The following CCDC171 variants were observed in gnomAD, a reference collection of about 807,000 sequenced individuals.
CCDC171 encodes coiled-coil domain-containing protein 171.
Under a neutral mutation model 168.2 loss-of-function variants are expected in CCDC171, and 177 were observed. The observed-to-expected ratio is 1.05, with a 90% CI of 0.93 to 1.19. The LOEUF is 1.19. Ranked by LOEUF, CCDC171 falls within the 50% of genes most tolerant of loss-of-function variation. The pLI, the probability that CCDC171 is intolerant of heterozygous loss-of-function variation, is 0.00. For missense variants in CCDC171, 1,991 were observed against 1,539.0 expected, an observed-to-expected ratio of 1.29 and a Z score of -4.91; for synonymous variants, 687 against 540.8, an observed-to-expected ratio of 1.27 and a Z score of -3.75.
chr9:15,617,447 G>T (rs748354009), intron 6 of CCDC171, among the ~76,000 whole-genome samples: 48 of 151,370 alleles, frequency 3.2e-4, no homozygotes, highest in Admixed American at 7.9e-4. Flanking sequence ...CGTGATCTCG[G>T]CTCACTGCAA....
chr9:16,032,744 A>G (rs1008305071), intron 6 of CCDC171, among the ~76,000 whole-genome samples: 1 of 152,080 alleles, frequency 6.6e-6, no homozygotes, highest in African/African-American at 2.4e-5. Context: ...AGGCCTCCCA[A>G]AATGCTGGGA....
intron 21 of CCDC171, among the ~76,000 whole-genome samples, chr9:15,811,219 A>G (rs548274522): frequency 1.3e-3 from 195 of 152,352 alleles, no homozygotes; most frequent in African/African-American, 4.4e-3. Flanking sequence ...TTTTGCTGAT[A>G]TTGAGCTAAT....
At chr9:15,990,134 A>C (rs1294798006) in intron 3 of CCDC171, among the ~76,000 whole-genome samples, 2 of 152,246 alleles carry the variant, frequency 1.3e-5, no homozygotes, top group East Asian at 1.9e-4. Flanking sequence ...TGTCAGATTC[A>C]CCAAAGTTGA....
intron 1 of CCDC171, among the ~76,000 whole-genome samples, chr9:16,057,085 G>T (rs1459522527): frequency 1.3e-5 from 2 of 152,132 alleles, no homozygotes; most frequent in Non-Finnish European, 2.9e-5. Flanking sequence ...ACATTATTAG[G>T]TGTTGTTCTG....
chr9:15,935,486 C>A (rs1827004107), intron 25 of CCDC171, among the ~76,000 whole-genome samples: 1 of 151,952 alleles, frequency 6.6e-6, no homozygotes, highest in South Asian at 2.1e-4. Context: ...AAGAGTCTAA[C>A]TATGTTTTGT....
At chr9:16,071,552 G>A in the CCDC171 span, among the ~76,000 whole-genome samples, 4 of 152,174 alleles carry the variant, frequency 2.6e-5, no homozygotes, top group Non-Finnish European at 5.9e-5. Context: ...CCAGTGCCTG[G>A]CCATGGAGAA....
At chr9:15,937,847 CTG>C (rs1392522410) in intron 25 of CCDC171, among the ~76,000 whole-genome samples, 1 of 151,780 alleles carries the variant, frequency 6.6e-6, no homozygotes. Flanking sequence ...GTATTTAACT[CTG>C]TCACTGTGAA....
intron 25 of CCDC171, among the ~76,000 whole-genome samples, chr9:15,957,573 C>T (rs1714447245): frequency 1.3e-5 from 2 of 152,166 alleles, no homozygotes; most frequent in Admixed American, 1.3e-4. Context: ...TGTAAATTCC[C>T]TCTTTTCCCC....
chr9:15,777,898 G>T, intron 19 of CCDC171, 72 bp downstream of exon 19: 2 of 1,004,352 alleles, frequency 2.0e-6, no homozygotes, highest in South Asian at 2.2e-5. Flanking sequence ...CTAATTTGTA[G>T]TTTAAATTAT....
At chr9:15,626,130 G>T (rs138151532) in intron 7 of CCDC171, among the ~76,000 whole-genome samples, 16 of 152,270 alleles carry the variant, frequency 1.1e-4, no homozygotes, top group African/African-American at 3.9e-4. Flanking sequence ...TCATATTGGT[G>T]TATAAGAATG....
intron 3 of CCDC171, among the ~76,000 whole-genome samples, chr9:15,990,464 C>T (rs1396351313): frequency 6.6e-6 from 1 of 152,150 alleles, no homozygotes; most frequent in Non-Finnish European, 1.5e-5. Context: ...CCAGCCACTG[C>T]AAAAACATGC....
intron 2 of CCDC171, among the ~76,000 whole-genome samples, chr9:15,566,190 A>G (rs1041730440): frequency 1.3e-5 from 2 of 149,448 alleles, no homozygotes; most frequent in Non-Finnish European, 3.0e-5. Flanking sequence ...TTATTTTTAA[A>G]TTGTGTTTTT....
Position 15,724,832 on chromosome 9 carries a change from A to G in CCDC171, c.1548A>G (p.Lys516=). 1 of 1,613,870 alleles carries G rather than the reference A, an allele frequency of 6.2e-7. No homozygotes were observed. The highest frequency in any genetic ancestry group is 8.5e-7 in the Non-Finnish European group (1 of 1,179,808). ...AAGAGTTAAGTCATTTACACACTAA[A>G]TGTGCAGACCGAGAGGCTTTAATAA... ...VNKELSHLHT[K]CADREALIST... is the part of the protein sequence containing the mutation. Residue 516 remains lysine (K), a synonymous_variant, in exon 14 of 26, where the codon AAA becomes AAG. Coordinates refer to ENST00000380701, the MANE Select transcript of CCDC171 (RefSeq NM_173550.4).
At chr9:15,720,721 G>T (rs2053422689) in intron 11 of CCDC171, among the ~76,000 whole-genome samples, 1 of 152,086 alleles carries the variant, frequency 6.6e-6, no homozygotes, top group Non-Finnish European at 1.5e-5. Flanking sequence ...TTAAGTTCTA[G>T]GGTACATGTG....
intron 21 of CCDC171, among the ~76,000 whole-genome samples, chr9:15,812,286 T>C (rs997416372): frequency 1.3e-5 from 2 of 152,204 alleles, no homozygotes; most frequent in African/African-American, 4.8e-5. Flanking sequence ...CAAGTTCACA[T>C]GCTATGCCTA....
chr9:16,032,462 A>C (rs1447464794), intron 6 of CCDC171, among the ~76,000 whole-genome samples: 1 of 152,138 alleles, frequency 6.6e-6, no homozygotes, highest in Non-Finnish European at 1.5e-5. Context: ...GAGTTCAGAG[A>C]GGGCAGCAGA....
intron 9 of CCDC171, among the ~76,000 whole-genome samples, chr9:15,675,661 G>C (rs575209518): frequency 1.3e-5 from 2 of 152,116 alleles, no homozygotes; most frequent in Non-Finnish European, 2.9e-5. Flanking sequence ...TGAAATTCTG[G>C]GTTGAAAATT....
At chr9:15,714,491 A>G (rs1206798723) in intron 11 of CCDC171, among the ~76,000 whole-genome samples, 1 of 152,144 alleles carries the variant, frequency 6.6e-6, no homozygotes, top group East Asian at 1.9e-4. Flanking sequence ...GTAAGCTCCT[A>G]CCCTGACTAC....
upstream of CCDC171, among the ~76,000 whole-genome samples, chr9:16,042,215 A>G (rs973980118): frequency 6.6e-6 from 1 of 152,188 alleles, no homozygotes; most frequent in African/African-American, 2.4e-5. Flanking sequence ...GAGCGCAGAC[A>G]TATAGTCAAG....
Sources: gnomAD v4.1 joint callset for allele counts (sites outside exome capture counted in the v4.1 genomes callset) on GRCh38, gnomAD v4.1.1 for gene constraint, MANE v1.5 for transcripts, NCBI Gene and HGNC (gene_info 2026-07-23, HGNC 2026-07-21) for gene names.